GRID2: variants seen among roughly 807,000 people sequenced by gnomAD.
GRID2 encodes the protein glutamate ionotropic receptor delta type subunit 2.
GRID2 carries 33 observed loss-of-function variants against 114.8 expected under a neutral mutation model. That is an observed-to-expected ratio of 0.29 (90% confidence interval 0.22 to 0.38). GRID2 has a LOEUF of 0.38. Among genes scored for constraint, GRID2 ranks in the 10% least tolerant of loss-of-function variants. GRID2 has a pLI of 1.00. For synonymous variants in GRID2, 505 were observed against 449.9 expected (o/e 1.12, Z -1.55); for missense variants, 1,184 against 1,257.7 (o/e 0.94, Z 0.89).
At chr4:93,412,205 G>C (rs1331359894) in intron 9 of GRID2, among the ~76,000 whole-genome samples, 2 of 150,944 alleles carry the variant, frequency 1.3e-5, no homozygotes, top group African/African-American at 4.9e-5. Context: ...TTTGAGACAA[G>C]CCTGGGCAGC....
chr4:92,323,536 C>A (rs1351768784), intron 1 of GRID2, among the ~76,000 whole-genome samples: 1 of 151,892 alleles, frequency 6.6e-6, no homozygotes, highest in Non-Finnish European at 1.5e-5. Flanking sequence ...TGGTCTCTTC[C>A]CCTCATTCTC....
chr4:93,474,480 C>T (rs1264450617), intron 11 of GRID2, among the ~76,000 whole-genome samples: 2 of 152,082 alleles, frequency 1.3e-5, no homozygotes, highest in East Asian at 3.9e-4. Context: ...TTTTCTGAGT[C>T]TTATAGACAA....
At chr4:93,779,433 T>C (rs530775971), downstream of GRID2, among the ~76,000 whole-genome samples, 74 of 152,236 alleles carry the variant, frequency 4.9e-4, no homozygotes, top group Middle Eastern at 3.4e-3. Context: ...TTTGATCCTC[T>C]CATTTCCTCA....
intron 1 of GRID2, among the ~76,000 whole-genome samples, chr4:92,341,726 C>A (rs958613073): frequency 1.3e-4 from 20 of 151,816 alleles, no homozygotes; most frequent in African/African-American, 3.6e-4. Flanking sequence ...TCCTGGCTAA[C>A]GCACGGTGAA....
chr4:93,422,972 A>T lies in GRID2; in HGVS notation c.1545+4A>T, dbSNP rs778039994. On this transcript the variant is annotated splice_donor_region_variant and intron_variant, in intron 10 of 15. Coordinates refer to ENST00000282020, the MANE Select transcript of GRID2 (RefSeq NM_001510.4). ...GGTAGGAGAACTTGTCTTTAAGGTA[A>T]GAATTACTTTATTTATTTGTCTCAT... 1.3e-6 allele frequency: 2 copies of T among 1,580,688 alleles called. No individual in the cohort carries two copies. Among genetic ancestry groups the T allele is most frequent in the East Asian group, 4.5e-5 (2 of 44,678 alleles).
At chr4:92,822,203 A>C in intron 2 of GRID2, 1 of 475,174 alleles carries the variant, frequency 2.1e-6, no homozygotes, top group East Asian at 5.7e-5. Context: ...AGTTGAGGCT[A>C]AAGCACAGGG....
intron 1 of GRID2, among the ~76,000 whole-genome samples, chr4:92,547,316 T>G (rs2149168858): frequency 6.6e-6 from 1 of 152,318 alleles, no homozygotes; most frequent in South Asian, 2.1e-4. Context: ...GACATAGAAT[T>G]ATAATAGTTC....
intron 2 of GRID2, among the ~76,000 whole-genome samples, chr4:92,676,576 T>A (rs1312584228): frequency 6.6e-6 from 1 of 152,140 alleles, no homozygotes; most frequent in Non-Finnish European, 1.5e-5. Flanking sequence ...CACTGTTGAT[T>A]CATATGGAGC....
chr4:92,488,259 G>GAA lies in GRID2; in HGVS notation c.89-101868_89-101867dup, dbSNP rs559125681. Among the ~76,000 whole-genome samples, 321 of 152,276 alleles carry GAA rather than the reference G, an allele frequency of 2.1e-3. 2 individuals are homozygous for GAA. The highest frequency in any genetic ancestry group is 7.4e-3 in the African/African-American group (307 of 41,568). ...GGACACCGGTTCTGACAACCAGTGA[G>GAA]AAAAAGCTGAATAATCTACAAAATT... On this transcript the variant is annotated intron_variant, in intron 1 of 15. Transcript: ENST00000282020.
chr4:93,631,398 A>G (rs1456688972), intron 14 of GRID2, among the ~76,000 whole-genome samples: 1 of 152,068 alleles, frequency 6.6e-6, no homozygotes, highest in African/African-American at 2.4e-5. Context: ...CTGGTGTGTG[A>G]TGCTCCCCTT....
rs1284296696 is a variant in GRID2 at position 92,396,055 on chromosome 4, T to G, written c.88+91311T>G. ...GAAATAGTATGATAAGACATATTAT[T>G]TATTTCACTTTTTAAAGCCAAACTG... On this transcript the variant is annotated intron_variant, in intron 1 of 15. Transcript: ENST00000282020. Among the ~76,000 whole-genome samples the G allele has an allele frequency of 1.3e-5, 2 of 151,882 alleles. 1 individual carries two copies. Among genetic ancestry groups the G allele is most frequent in the Middle Eastern group, 6.3e-3 (2 of 316 alleles).
intron 13 of GRID2, among the ~76,000 whole-genome samples, chr4:93,563,375 G>C (rs146108779): frequency 6.6e-6 from 1 of 151,884 alleles, no homozygotes; most frequent in East Asian, 1.9e-4. Flanking sequence ...TCTGTTGAAC[G>C]TATTGTAGCA....
intron 11 of GRID2, among the ~76,000 whole-genome samples, chr4:93,473,948 C>A (rs1725078483): frequency 6.6e-6 from 1 of 151,860 alleles, no homozygotes. Context: ...TGAATGAATG[C>A]CTTTTGGGAA....
chr4:92,502,875 G>T (rs975881853), intron 1 of GRID2, among the ~76,000 whole-genome samples: 2 of 151,580 alleles, frequency 1.3e-5, no homozygotes, highest in African/African-American at 4.8e-5. Flanking sequence ...CTGCCACCAC[G>T]CCCAGCTGAT....
chr4:93,250,275 C>T (rs1025181081), intron 8 of GRID2, among the ~76,000 whole-genome samples: 1 of 152,004 alleles, frequency 6.6e-6, no homozygotes, highest in Non-Finnish European at 1.5e-5. Context: ...TGTTCTCACT[C>T]ATAAGTGGGA....
chr4:92,866,480 A>T (rs1305030759), intron 2 of GRID2, among the ~76,000 whole-genome samples: 1 of 152,092 alleles, frequency 6.6e-6, no homozygotes, highest in Non-Finnish European at 1.5e-5. Context: ...AGACTGAGTA[A>T]ACAATTTTTA....
At chr4:92,530,837 G>T (rs1211842999) in intron 1 of GRID2, among the ~76,000 whole-genome samples, 1 of 151,958 alleles carries the variant, frequency 6.6e-6, no homozygotes, top group Non-Finnish European at 1.5e-5. Flanking sequence ...AACCTGGGAG[G>T]TGGAGGTTTC....
At chr4:93,673,416 G>T (rs1452466866) in intron 14 of GRID2, among the ~76,000 whole-genome samples, 1 of 152,036 alleles carries the variant, frequency 6.6e-6, no homozygotes, top group South Asian at 2.1e-4. Flanking sequence ...ATGCAAAAAA[G>T]ACAATTATTG....
At chr4:92,874,429 T>C (rs1214764697) in intron 2 of GRID2, among the ~76,000 whole-genome samples, 5 of 152,180 alleles carry the variant, frequency 3.3e-5, no homozygotes, top group African/African-American at 4.8e-5. Flanking sequence ...TATAATATTA[T>C]CGTCTATGCT....
Sources: gnomAD v4.1 joint callset for allele counts (sites outside exome capture counted in the v4.1 genomes callset) on GRCh38, gnomAD v4.1.1 for gene constraint, MANE v1.5 for transcripts, NCBI Gene and HGNC (gene_info 2026-07-23, HGNC 2026-07-21) for gene names.